Variants in ASCC1 observed in about 807,000 individuals in gnomAD.
ASCC1 encodes activating signal cointegrator 1 complex subunit 1.
A neutral mutation model predicts 46.6 loss-of-function variants in ASCC1; 35 were observed. The ratio of observed to expected loss-of-function variants is 0.75; its 90% CI spans 0.57 to 0.99. The LOEUF (loss-of-function observed/expected upper bound fraction) is 0.99, where lower values mean the gene tolerates loss of function less well. Among genes scored for constraint, ASCC1 ranks in the 50% least tolerant of loss-of-function variants. ASCC1 has a pLI of 0.00. For synonymous variants in ASCC1, 143 were observed against 146.6 expected (o/e 0.98, Z 0.18); for missense variants, 376 against 428.7 (o/e 0.88, Z 1.09).
chr10:72,127,998 G>T, intron 9 of ASCC1, 84 bp downstream of exon 9: 3 of 1,060,032 alleles, frequency 2.8e-6, no homozygotes, highest in Non-Finnish European at 2.9e-6. Flanking sequence ...GAAGTATGAA[G>T]AAATATACGG....
intron 9 of ASCC1, among the ~76,000 whole-genome samples, chr10:72,115,784 G>A (rs1264576522): frequency 6.6e-6 from 1 of 152,206 alleles, no homozygotes; most frequent in Non-Finnish European, 1.5e-5. Context: ...ACGGTGGCAG[G>A]AAGAATGGCT....
At chr10:72,111,798 C>A (rs994674447) in intron 9 of ASCC1, among the ~76,000 whole-genome samples, 3 of 152,070 alleles carry the variant, frequency 2.0e-5, no homozygotes, top group Admixed American at 1.3e-4. Flanking sequence ...CCTGCCACCA[C>A]GCCCGGCTAA....
intron 1 of ASCC1, among the ~76,000 whole-genome samples, chr10:72,214,625 C>T (rs1858801332): frequency 6.6e-6 from 1 of 152,024 alleles, no homozygotes; most frequent in South Asian, 2.1e-4. Context: ...GATCCACCCG[C>T]CTCAGTCTCC....
chr10:72,136,648 G>C (rs562163431), intron 7 of ASCC1, among the ~76,000 whole-genome samples: 1 of 152,316 alleles, frequency 6.6e-6, no homozygotes, highest in South Asian at 2.1e-4. Flanking sequence ...ACCCACTTGG[G>C]TCCCCCTTCC....
intron 4 of ASCC1, among the ~76,000 whole-genome samples, chr10:72,199,272 T>C (rs1380320049): frequency 2.9e-5 from 4 of 140,256 alleles, no homozygotes; most frequent in African/African-American, 1.1e-4. Flanking sequence ...TACGGGTGTA[T>C]GCCATCACAC....
intron 9 of ASCC1, among the ~76,000 whole-genome samples, chr10:72,106,435 T>C (rs1466186492): frequency 1.3e-5 from 2 of 152,220 alleles, no homozygotes; most frequent in Non-Finnish European, 1.5e-5. Flanking sequence ...GCAGAGTGAA[T>C]AGGAATAGCA....
rs12262101 is a variant in ASCC1 at position 72,210,954 on chromosome 10, G to A, written c.113-123C>T. 30,424 of 807,494 alleles carry A rather than the reference G, an allele frequency of 0.038. 2,233 individuals are homozygous for A. Among genetic ancestry groups the A allele is most frequent in the African/African-American group, 0.23 (13,522 of 58,936 alleles). 50.0% of individuals were successfully genotyped at this position (807,494 alleles called of 1,614,324 possible). The stretch of plus-strand genomic sequence containing the variant: ...CAATACACAGGCATAAAGAACAGCC[G>A]GACACTGTACATTCCATGACACTGC... On this transcript the variant is annotated intron_variant, in intron 2 of 9. Transcript: ENST00000672957.
At chr10:72,136,590 C>A (rs1846241409) in intron 7 of ASCC1, among the ~76,000 whole-genome samples, 1 of 152,134 alleles carries the variant, frequency 6.6e-6, no homozygotes, top group African/African-American at 2.4e-5. Flanking sequence ...TGGGCGGGGC[C>A]AAATAAGGGA....
chr10:72,171,116 G>T (rs1256379283), intron 5 of ASCC1, among the ~76,000 whole-genome samples: 1 of 152,156 alleles, frequency 6.6e-6, no homozygotes, highest in Non-Finnish European at 1.5e-5. Context: ...CTGAATAAAG[G>T]ATACTATTCT....
intron 6 of ASCC1, among the ~76,000 whole-genome samples, chr10:72,154,153 C>T (rs1426078699): frequency 1.3e-5 from 2 of 152,206 alleles, no homozygotes; most frequent in Admixed American, 1.3e-4. Flanking sequence ...TACACATCAA[C>T]TTGTGTAACT....
chr10:72,192,879 A>G (rs1854759583), intron 5 of ASCC1, among the ~76,000 whole-genome samples: 1 of 152,244 alleles, frequency 6.6e-6, no homozygotes, highest in Admixed American at 6.5e-5. Context: ...AGCACATGAA[A>G]AAATGTTCAA....
At chr10:72,125,130 G>T (rs1011462026) in intron 9 of ASCC1, among the ~76,000 whole-genome samples, 2 of 152,166 alleles carry the variant, frequency 1.3e-5, no homozygotes, top group African/African-American at 4.8e-5. Flanking sequence ...CAAGCCAAAA[G>T]AACCAATTTT....
chr10:72,163,245 T>C (rs774694271), intron 5 of ASCC1, among the ~76,000 whole-genome samples: 2 of 152,114 alleles, frequency 1.3e-5, no homozygotes, highest in African/African-American at 2.4e-5. Context: ...AATTACCACA[T>C]GACCCAGCAA....
chr10:72,144,097 C>T (rs746530779), intron 7 of ASCC1, among the ~76,000 whole-genome samples: 14 of 152,082 alleles, frequency 9.2e-5, no homozygotes, highest in Middle Eastern at 3.4e-3. Context: ...CTGTCTCAGC[C>T]TCCCAAGTAG....
In ASCC1 at chr10:72,193,085, T is replaced by C. The variant is rs116767385; in HGVS notation, c.489+3726A>G. ...TGAAAAACAGTTTGGCAGTGTTTTA[T>C]AAAGTTAAATATACACCTACCATAC... is the stretch of plus-strand genomic sequence containing the variant. On this transcript the variant is annotated intron_variant, in intron 5 of 9. Coordinates refer to ENST00000672957, the MANE Select transcript of ASCC1 (RefSeq NM_001198800.3). Among the ~76,000 whole-genome samples the C allele has an allele frequency of 3.9e-3, 588 of 152,314 alleles. 9 individuals are homozygous for C. The highest frequency in any genetic ancestry group is 0.014 in the African/African-American group (568 of 41,572).
chr10:72,136,171 T>C (rs919765632), intron 7 of ASCC1, among the ~76,000 whole-genome samples: 10 of 152,136 alleles, frequency 6.6e-5, no homozygotes. Flanking sequence ...TACAAGTAAA[T>C]GCCACTGAGA....
intron 9 of ASCC1, among the ~76,000 whole-genome samples, chr10:72,119,741 C>T (rs1271827742): frequency 6.7e-6 from 1 of 150,180 alleles, no homozygotes; most frequent in Non-Finnish European, 1.5e-5. Flanking sequence ...ACCAACACAA[C>T]ACAATTTGAA....
In ASCC1 at chr10:72,189,802, C is replaced by CAAAA. The variant is rs996153326; in HGVS notation, c.489+7005_489+7008dup. The CAAAA allele has an allele frequency of 4.6e-3, 764 of 167,772 alleles. 38 individuals are homozygous for CAAAA. Among genetic ancestry groups the CAAAA allele is most frequent in the African/African-American group, 0.027 (505 of 18,632 alleles). The allele number at this position is 167,772 out of a possible 1,614,324, so 10.4% of individuals were successfully genotyped here. A position where few individuals can be genotyped will look rare whatever the true frequency, so the allele number is the denominator to read the frequency against. Reference sequence around the variant, plus strand: ...GGGCAACAAGAGCGAAACTCCATCTCAAAAAAAAAAAAAAAAAAAAAGAAC... The same window carrying CAAAA: ...GGGCAACAAGAGCGAAACTCCATCTCAAAAAAAAAAAAAAAAAAAAAAAAAGAAC... On this transcript the variant is annotated intron_variant, in intron 5 of 9. Coordinates refer to ENST00000672957, the MANE Select transcript of ASCC1 (RefSeq NM_001198800.3).
chr10:72,102,233 G>A, intron 9 of ASCC1: 1 of 1,009,216 alleles, frequency 9.9e-7, no homozygotes, highest in Non-Finnish European at 1.5e-6. Context: ...GGGTGTATAT[G>A]AGGCTGCCAT....
Sources: allele counts gnomAD v4.1 joint callset (sites outside exome capture counted in the v4.1 genomes callset), GRCh38; gene constraint gnomAD v4.1.1; transcripts MANE v1.5; gene names NCBI Gene and HGNC (gene_info 2026-07-23, HGNC 2026-07-21).